Variants in ZNF385D observed in about 807,000 individuals in gnomAD.
ZNF385D encodes the protein zinc finger protein 659.
ZNF385D carries 15 observed loss-of-function variants against 35.8 expected under a neutral mutation model. The observed-to-expected ratio is 0.42, with a 90% confidence interval of 0.28 to 0.64. The LOEUF is 0.64. ZNF385D is among the 30% of genes least tolerant of loss of function. The pLI, the probability that ZNF385D is intolerant of heterozygous loss-of-function variation, is 0.23. For missense variants in ZNF385D, 474 were observed against 494.6 expected (o/e 0.96, Z 0.39); for synonymous variants, 212 against 186.8 (o/e 1.13, Z -1.10).
intron 3 of ZNF385D, among the ~76,000 whole-genome samples, chr3:21,883,093 A>G (rs1382554405): frequency 6.6e-6 from 1 of 151,916 alleles, no homozygotes; most frequent in Non-Finnish European, 1.5e-5. Flanking sequence ...GTGTACTAAG[A>G]AAACAACACA....
chr3:22,142,707 A>G (rs1704583513), intron 3 of ZNF385D, among the ~76,000 whole-genome samples: 1 of 152,036 alleles, frequency 6.6e-6, no homozygotes, highest in African/African-American at 2.4e-5. Flanking sequence ...TGCAGGAAAG[A>G]CGAATGAGAT....
chr3:21,614,894 TAC>T (rs1381271360), intron 2 of ZNF385D, among the ~76,000 whole-genome samples: 1 of 152,120 alleles, frequency 6.6e-6, no homozygotes, highest in Non-Finnish European at 1.5e-5. Flanking sequence ...GCCCCTGAAG[TAC>T]AGTTTTATCA....
At chr3:22,023,670 T>A (rs546394310) in intron 3 of ZNF385D, among the ~76,000 whole-genome samples, 246 of 152,224 alleles carry the variant, frequency 1.6e-3, no homozygotes, top group African/African-American at 5.7e-3. Flanking sequence ...CTTTTTTTTT[T>A]ATCAAACTGA....
At chr3:22,121,731 G>A (rs1403302642) in intron 3 of ZNF385D, among the ~76,000 whole-genome samples, 1 of 148,750 alleles carries the variant, frequency 6.7e-6, no homozygotes, top group Non-Finnish European at 1.5e-5. Flanking sequence ...ACAATCCCCT[G>A]TACCTGGGCA....
In ZNF385D at chr3:22,028,057, C is replaced by T. The variant is rs76303266; in HGVS notation, c.325+140760G>A. ...ATGTAAGGAGAAATGGTCAGATGTA[C>T]GATTATACACCGATTCATGGGCTGT... On this transcript the variant is annotated intron_variant, in intron 3 of 5. Coordinates refer to the ZNF385D transcript ENST00000494108. Among the ~76,000 whole-genome samples the T allele has an allele frequency of 8.0e-3, 1,216 of 152,154 alleles. 56 individuals are homozygous for T. The East Asian group carries it at 0.16, about 20-fold the overall frequency.
intron 3 of ZNF385D, among the ~76,000 whole-genome samples, chr3:22,040,302 T>G (rs1698584483): frequency 6.6e-6 from 1 of 152,194 alleles, no homozygotes; most frequent in African/African-American, 2.4e-5. Context: ...ATTCTTCATA[T>G]TATTCACATT....
At chr3:22,187,112 C>A (rs140102428) in intron 2 of ZNF385D, among the ~76,000 whole-genome samples, 1 of 152,256 alleles carries the variant, frequency 6.6e-6, no homozygotes, top group African/African-American at 2.4e-5. Context: ...CTAACATCTT[C>A]CCACATATAA....
intron 2 of ZNF385D, among the ~76,000 whole-genome samples, chr3:22,294,072 G>A (rs1292921784): frequency 3.3e-5 from 5 of 151,364 alleles, no homozygotes; most frequent in Admixed American, 3.3e-4. Flanking sequence ...TAGAGTATTT[G>A]GAGGAGGAGG....
intron 3 of ZNF385D, among the ~76,000 whole-genome samples, chr3:21,864,921 A>T (rs185913929): frequency 6.6e-6 from 1 of 151,358 alleles, no homozygotes; most frequent in African/African-American, 2.4e-5. Context: ...AGTGCTACTT[A>T]CCAAATAGTC....
intron 2 of ZNF385D, among the ~76,000 whole-genome samples, chr3:22,190,834 G>A (rs1021002942): frequency 6.6e-6 from 1 of 151,796 alleles, no homozygotes; most frequent in Non-Finnish European, 1.5e-5. Flanking sequence ...AATTTGGGGT[G>A]TAATTTAATC....
At chr3:21,912,569 A>C (rs970073994) in intron 3 of ZNF385D, among the ~76,000 whole-genome samples, 2 of 152,028 alleles carry the variant, frequency 1.3e-5, no homozygotes, top group African/African-American at 4.8e-5. Flanking sequence ...ACTCCAGTGG[A>C]TTGCTATAGT....
At chr3:21,747,934 T>C (rs751702715) in intron 1 of ZNF385D, among the ~76,000 whole-genome samples, 1 of 152,044 alleles carries the variant, frequency 6.6e-6, no homozygotes, top group Non-Finnish European at 1.5e-5. Flanking sequence ...TTTATAAGTA[T>C]TTATTATTTT....
intron 3 of ZNF385D, among the ~76,000 whole-genome samples, chr3:22,130,101 A>C (rs534086151): frequency 3.2e-4 from 49 of 152,260 alleles, no homozygotes; most frequent in African/African-American, 1.1e-3. Flanking sequence ...GGGTGGGTCT[A>C]AAAACATCAT....
chr3:21,639,135 A>T (rs1004082105), intron 2 of ZNF385D, among the ~76,000 whole-genome samples: 28 of 152,126 alleles, frequency 1.8e-4, no homozygotes, highest in African/African-American at 6.5e-4. Flanking sequence ...GTTCAAGAAC[A>T]ACTAAGATAA....
At chr3:22,112,700 A>G (rs1246247341) in intron 3 of ZNF385D, among the ~76,000 whole-genome samples, 1 of 152,136 alleles carries the variant, frequency 6.6e-6, no homozygotes, top group Non-Finnish European at 1.5e-5. Flanking sequence ...TATAGGGAGA[A>G]AGCTACACAT....
intron 2 of ZNF385D, among the ~76,000 whole-genome samples, chr3:22,192,089 C>T (rs141925649): frequency 2.2e-4 from 33 of 152,250 alleles, no homozygotes; most frequent in East Asian, 1.5e-3. Flanking sequence ...ATTCTTTCAA[C>T]GATAGTGCCC....
chr3:22,308,785 C>A (rs1269089125), intron 2 of ZNF385D, among the ~76,000 whole-genome samples: 1 of 152,104 alleles, frequency 6.6e-6, no homozygotes, highest in Non-Finnish European at 1.5e-5. Context: ...ATGACTTACA[C>A]TAACATTATC....
intron 2 of ZNF385D, among the ~76,000 whole-genome samples, chr3:22,195,386 A>AT: frequency 6.6e-6 from 1 of 151,800 alleles, no homozygotes; most frequent in South Asian, 2.1e-4. Context: ...ACATATATAT[A>AT]TTTTTTCTTT....
At chr3:21,677,363 T>C (rs534755569) in intron 1 of ZNF385D, among the ~76,000 whole-genome samples, 32 of 152,144 alleles carry the variant, frequency 2.1e-4, no homozygotes, top group African/African-American at 5.3e-4. Flanking sequence ...AGCCTAAATA[T>C]ACAAATCTGG....
Sources: gnomAD v4.1 joint callset for allele counts (sites outside exome capture counted in the v4.1 genomes callset) on GRCh38, gnomAD v4.1.1 for gene constraint, MANE v1.5 for transcripts, NCBI Gene and HGNC (gene_info 2026-07-23, HGNC 2026-07-21) for gene names.